SCN8A: variants seen among roughly 807,000 people sequenced by gnomAD.
The protein encoded by SCN8A is sodium voltage-gated channel alpha subunit 8.
SCN8A carries 30 observed loss-of-function variants against 184.1 expected under a neutral mutation model. The observed-to-expected ratio is 0.16, with a 90% CI of 0.12 to 0.22. The LOEUF (loss-of-function observed/expected upper bound fraction) is 0.22, where lower values mean the gene tolerates loss of function less well. Among genes scored for constraint, SCN8A ranks in the 10% least tolerant of loss-of-function variants. The probability of loss-of-function intolerance (pLI) is 1.00; values close to 1 mark genes in which losing one functional copy is unlikely to be tolerated. For synonymous variants in SCN8A, 852 were observed against 907.0 expected, an observed-to-expected ratio of 0.94 and a Z score of 1.09; for missense variants, 1,057 against 2,498.9, an observed-to-expected ratio of 0.42 and a Z score of 12.30.
At chr12:51,677,002 T>C (rs1351875650) in intron 2 of SCN8A, among the ~76,000 whole-genome samples, 3 of 152,196 alleles carry the variant, frequency 2.0e-5, no homozygotes, top group African/African-American at 4.8e-5. Context: ...CACCCCTGCA[T>C]TGAGTACTCT....
intron 1 of SCN8A, among the ~76,000 whole-genome samples, chr12:51,640,780 A>G (rs189503463): frequency 2.0e-5 from 3 of 152,330 alleles, no homozygotes; most frequent in African/African-American, 7.2e-5. Context: ...AGCCAAGGTT[A>G]CTGTACCATC....
Position 51,806,636 on chromosome 12 carries a change from G to A in SCN8A, c.5150G>A (p.Arg1717His), listed in dbSNP as rs780491922. The A allele has an allele frequency of 5.0e-6, 8 of 1,614,028 alleles. No homozygotes were observed. Among genetic ancestry groups the A allele is most frequent in the South Asian group, 1.1e-5 (1 of 91,064 alleles). Residue 1717 changes from arginine to histidine, a missense_variant, in exon 27 of 27, where the codon CGC (arginine) becomes CAC (histidine). Physicochemically the swap from Arg to His is conservative, Grantham distance 29. This residue lies in a region of SCN8A where 21 missense variants were observed against 42.3 expected (regional missense o/e 0.50). Transcript: ENST00000627620. The surrounding 1 kb of genome is among the most constrained non-coding windows in gnomAD (Gnocchi z 8.7). ...GGCCTGCTGCTGCCCATCCTAAACCGCCCCCCTGACTGCAGCCTAGATAAG... is the reference window on the plus strand; with the variant it reads ...GGCCTGCTGCTGCCCATCCTAAACCACCCCCCTGACTGCAGCCTAGATAAG... ...WDGLLLPILN[R>H]PPDCSLDKEH...
chr12:51,625,684 T>G (rs1301570864), intron 1 of SCN8A, among the ~76,000 whole-genome samples: 1 of 152,216 alleles, frequency 6.6e-6, no homozygotes, highest in Non-Finnish European at 1.5e-5. Flanking sequence ...AGGCCAAAAA[T>G]GTCAACTAAT....
intron 14 of SCN8A, among the ~76,000 whole-genome samples, chr12:51,752,901 T>C (rs1023163699): frequency 6.6e-6 from 1 of 152,222 alleles, no homozygotes; most frequent in Admixed American, 6.5e-5. Context: ...TTGATGTTGG[T>C]GGTTCTGTTT....
intron 21 of SCN8A, among the ~76,000 whole-genome samples, chr12:51,784,470 G>A (rs1160239968): frequency 2.0e-5 from 3 of 152,042 alleles, no homozygotes; most frequent in Admixed American, 1.3e-4. Context: ...CAGGAGAATC[G>A]CTTGAACCTG....
intron 6 of SCN8A, among the ~76,000 whole-genome samples, chr12:51,692,530 A>G (rs1941528814): frequency 2.0e-5 from 3 of 152,202 alleles, no homozygotes; most frequent in African/African-American, 4.8e-5. Flanking sequence ...AGAGGCAGCA[A>G]CTTGGAGAAC....
At chr12:51,621,149 G>A (rs774831993) in intron 1 of SCN8A, among the ~76,000 whole-genome samples, 8 of 152,204 alleles carry the variant, frequency 5.3e-5, no homozygotes, top group Non-Finnish European at 7.3e-5. Context: ...TAATGCAGTA[G>A]AGGAAAGACT....
rs78321530 is a variant in SCN8A at position 51,776,493 on chromosome 12, C to T, written c.3819+2131C>T. ...TGCCATTATCTGTGTAGAATTGCTC[C>T]AGAAGCAATAAGGAGAAACAGAGGT... On this transcript the variant is annotated intron_variant, in intron 20 of 26. Transcript: ENST00000627620. Among the ~76,000 whole-genome samples, 1,208 of 152,264 alleles carry T rather than the reference C, an allele frequency of 7.9e-3. 25 individuals carry two copies. The highest frequency in any genetic ancestry group is 0.028 in the African/African-American group (1,154 of 41,550).
intron 11 of SCN8A, among the ~76,000 whole-genome samples, chr12:51,708,024 C>A (rs1941813311): frequency 6.6e-6 from 1 of 152,178 alleles, no homozygotes; most frequent in South Asian, 2.1e-4. Flanking sequence ...TAAAAGCCAA[C>A]CCTAGACTAT....
At chr12:51,771,877 C>T (rs1942930529) in intron 19 of SCN8A, among the ~76,000 whole-genome samples, 1 of 152,202 alleles carries the variant, frequency 6.6e-6, no homozygotes. Context: ...TTATTGCTGT[C>T]ATTGTTATTC....
chr12:51,678,598 C>A (rs1300681629), intron 2 of SCN8A, among the ~76,000 whole-genome samples: 1 of 152,172 alleles, frequency 6.6e-6, no homozygotes, highest in Admixed American at 6.5e-5. Flanking sequence ...TAGAGACATG[C>A]AGTGGCCCAG....
chr12:51,776,096 C>T (rs937496391), intron 20 of SCN8A, among the ~76,000 whole-genome samples: 1 of 152,206 alleles, frequency 6.6e-6, no homozygotes, highest in Non-Finnish European at 1.5e-5. Flanking sequence ...CTCACACGAT[C>T]CTTGCACCTC....
chr12:51,807,705 A>G lies in SCN8A; in HGVS notation c.*276A>G. Reference sequence around the variant, plus strand: ...AGTCAATGCAACTTAGGACAAAACTAACCAGATACAGAAACAGAAGAGAGG... The same window carrying G: ...AGTCAATGCAACTTAGGACAAAACTGACCAGATACAGAAACAGAAGAGAGG... On this transcript the variant is annotated 3_prime_UTR_variant, in exon 27 of 27. Transcript: ENST00000627620. This position sits in a 1 kb window ranked among gnomAD's most constrained non-coding sequence, Gnocchi z 4.5. The G allele has an allele frequency of 2.2e-6, 1 of 457,074 alleles. No individual in the cohort carries two copies. The highest frequency in any genetic ancestry group is 3.7e-5 in the East Asian group (1 of 26,846). The allele number at this position is 457,074 out of a possible 1,614,324, so 28.3% of individuals were successfully genotyped here.
At chr12:51,784,252 A>G (rs902895026) in intron 21 of SCN8A, among the ~76,000 whole-genome samples, 1 of 152,228 alleles carries the variant, frequency 6.6e-6, no homozygotes, top group Non-Finnish European at 1.5e-5. Flanking sequence ...AAGAATTATT[A>G]GTACGTTTAA....
At chr12:51,666,582 TA>T (rs1941037661) in intron 2 of SCN8A, among the ~76,000 whole-genome samples, 1 of 152,220 alleles carries the variant, frequency 6.6e-6, no homozygotes, top group Non-Finnish European at 1.5e-5. Context: ...CTTCGCAAAA[TA>T]GAATCTCTTT....
At position 51,809,770 on chromosome 12, in the gene SCN8A, A is replaced by G. The variant is rs1257750258; in HGVS notation, c.*2341A>G. The G allele has an allele frequency of 1.3e-5, 2 of 152,166 alleles. No homozygotes were observed. The highest frequency in any genetic ancestry group is 4.8e-5 in the African/African-American group (2 of 41,426). 9.4% of individuals were successfully genotyped at this position (152,166 alleles called of 1,614,324 possible). ...AAATTATTAACTTATTAAATAGGAA[A>G]TGGCTTCTGGCTTATGCCATTGTCA... On this transcript the variant is annotated 3_prime_UTR_variant, in exon 27 of 27. Transcript: ENST00000627620.
intron 15 of SCN8A, among the ~76,000 whole-genome samples, chr12:51,763,708 G>A (rs1942796164): frequency 6.6e-6 from 1 of 152,222 alleles, no homozygotes; most frequent in South Asian, 2.1e-4. Context: ...ATAAGCGTAA[G>A]TGATATCTTG....
chr12:51,618,707 T>G (rs1939898694), intron 1 of SCN8A, among the ~76,000 whole-genome samples: 1 of 151,934 alleles, frequency 6.6e-6, no homozygotes, highest in Non-Finnish European at 1.5e-5. Context: ...AGTGAGAAAC[T>G]TTGGTTATTT....
chr12:51,738,838 G>A (rs1421119828), intron 12 of SCN8A, among the ~76,000 whole-genome samples: 6 of 152,200 alleles, frequency 3.9e-5, no homozygotes, highest in South Asian at 2.1e-4. Context: ...GACCTTTTGC[G>A]GGGGTTCCCC....
Sources: gnomAD v4.1 joint callset for allele counts (sites outside exome capture counted in the v4.1 genomes callset) on GRCh38, gnomAD v4.1.1 for gene constraint, gnomAD v4.1.1 regional missense constraint, Gnocchi (gnomAD v3.1) non-coding constraint, MANE v1.5 for transcripts, NCBI Gene and HGNC (gene_info 2026-07-23, HGNC 2026-07-21) for gene names.